Variants in GLIS3 observed in about 807,000 individuals in gnomAD.
GLIS3 encodes GLIS family zinc finger 3, also known as zinc finger protein GLIS3.
GLIS3 carries 53 observed loss-of-function variants against 78.6 expected under a neutral mutation model. That is an observed-to-expected ratio of 0.67 (90% confidence interval 0.54 to 0.85). The LOEUF is 0.85. GLIS3 is among the 40% of genes least tolerant of loss of function. The pLI is 0.00. For synonymous variants in GLIS3, 684 were observed against 509.9 expected, an observed-to-expected ratio of 1.34 and a Z score of -4.60; for missense variants, 1,703 against 1,231.1, an observed-to-expected ratio of 1.38 and a Z score of -5.74.
intron 7 of GLIS3, among the ~76,000 whole-genome samples, chr9:3,880,152 C>T (rs2130466143): frequency 6.6e-6 from 1 of 152,228 alleles, no homozygotes; most frequent in East Asian, 1.9e-4. Flanking sequence ...GTCTAACTAA[C>T]CCAGGGAATT....
intron 2 of GLIS3, among the ~76,000 whole-genome samples, chr9:4,155,651 T>C (rs1367530388): frequency 6.6e-6 from 1 of 152,152 alleles, no homozygotes; most frequent in African/African-American, 2.4e-5. Context: ...CCAGGTACAG[T>C]GTCTACTTCT....
chr9:4,075,866 C>T (rs977523352), intron 4 of GLIS3, among the ~76,000 whole-genome samples: 1 of 152,140 alleles, frequency 6.6e-6, no homozygotes, highest in Non-Finnish European at 1.5e-5. Context: ...AGTGTACATA[C>T]AGCATTATTC....
intron 4 of GLIS3, among the ~76,000 whole-genome samples, chr9:3,959,857 AAG>A (rs1817427319): frequency 6.6e-6 from 1 of 152,214 alleles, no homozygotes; most frequent in Non-Finnish European, 1.5e-5. Flanking sequence ...CCTTTATAGA[AAG>A]AGGAAATTTG....
At chr9:4,228,567 T>C (rs1199812683) in intron 2 of GLIS3, among the ~76,000 whole-genome samples, 1 of 152,210 alleles carries the variant, frequency 6.6e-6, no homozygotes, top group Non-Finnish European at 1.5e-5. Context: ...AAGCTGCAAA[T>C]ACAGCCAGGG....
chr9:4,223,117 C>G (rs929514313), intron 2 of GLIS3, among the ~76,000 whole-genome samples: 1 of 152,146 alleles, frequency 6.6e-6, no homozygotes, highest in Admixed American at 6.5e-5. Context: ...TATGAAGTGT[C>G]TATGAGATAA....
chr9:3,921,670 T>C (rs1824898542), intron 6 of GLIS3, among the ~76,000 whole-genome samples: 1 of 152,010 alleles, frequency 6.6e-6, no homozygotes, highest in Admixed American at 6.6e-5. Context: ...GATTAAAAAA[T>C]CCACACAGCA....
chr9:4,005,360 T>A (rs1238113101), intron 4 of GLIS3, among the ~76,000 whole-genome samples: 1 of 152,216 alleles, frequency 6.6e-6, no homozygotes, highest in Non-Finnish European at 1.5e-5. Context: ...TGCATATACA[T>A]AGATATGTTT....
At chr9:4,430,002 G>T in the GLIS3 span, among the ~76,000 whole-genome samples, 1 of 151,600 alleles carries the variant, frequency 6.6e-6, no homozygotes, top group Non-Finnish European at 1.5e-5. Context: ...CAGGTTATCA[G>T]AATCCGAAAT....
At chr9:4,311,698 T>C (rs1817362243) in intron 2 of GLIS3, among the ~76,000 whole-genome samples, 1 of 152,092 alleles carries the variant, frequency 6.6e-6, no homozygotes, top group South Asian at 2.1e-4. Context: ...CCTCCTCTTT[T>C]AGAGCCACCT....
At chr9:4,032,379 G>T (rs1053168539) in intron 4 of GLIS3, among the ~76,000 whole-genome samples, 2 of 152,084 alleles carry the variant, frequency 1.3e-5, no homozygotes, top group African/African-American at 4.8e-5. Flanking sequence ...TTTCACAGAA[G>T]TCTATAAAAA....
intron 2 of GLIS3, among the ~76,000 whole-genome samples, chr9:4,333,068 T>C (rs1817708482): frequency 6.6e-6 from 1 of 152,190 alleles, no homozygotes; most frequent in Non-Finnish European, 1.5e-5. Flanking sequence ...AGACAGGTAT[T>C]ATCACTCCAG....
chr9:4,046,945 C>A (rs1191127985), intron 4 of GLIS3, among the ~76,000 whole-genome samples: 1 of 152,196 alleles, frequency 6.6e-6, no homozygotes, highest in Non-Finnish European at 1.5e-5. Context: ...TAAGCCCTGG[C>A]AGATGCTCAA....
Position 4,336,629 on chromosome 9 carries a change from G to A in GLIS3, n.264+10452C>T, listed in dbSNP as rs367732152. ...CAACAAAACCAAGACTGCAAAACCA[G>A]TAAGCGACAGAACTAGGGTTTAGAC... On this transcript the variant is annotated intron_variant and non_coding_transcript_variant, in intron 2 of 4. Coordinates refer to the GLIS3 transcript ENST00000471664. 1.8e-4 allele frequency among the ~76,000 whole-genome samples: 27 copies of A among 152,324 alleles called. No homozygotes were observed. In the East Asian group the frequency reaches 1.9e-3, roughly 11 times the overall value.
At chr9:4,317,787 G>T (rs1039180169) in intron 2 of GLIS3, among the ~76,000 whole-genome samples, 1 of 152,138 alleles carries the variant, frequency 6.6e-6, no homozygotes, top group Non-Finnish European at 1.5e-5. Flanking sequence ...CATTTTGTCT[G>T]GGACCTAAAG....
At chr9:4,160,851 T>A (rs1255735317) in intron 2 of GLIS3, among the ~76,000 whole-genome samples, 3 of 152,180 alleles carry the variant, frequency 2.0e-5, no homozygotes, top group African/African-American at 7.2e-5. Context: ...AACCAGGTAG[T>A]CACCTGTCTC....
intron 2 of GLIS3, among the ~76,000 whole-genome samples, chr9:4,182,123 T>G (rs1186525351): frequency 1.3e-5 from 2 of 152,244 alleles, no homozygotes; most frequent in African/African-American, 4.8e-5. Flanking sequence ...AATAAAATGG[T>G]TCCTATAAGG....
chr9:3,885,142 G>A (rs1821987220), intron 7 of GLIS3, among the ~76,000 whole-genome samples: 1 of 152,222 alleles, frequency 6.6e-6, no homozygotes. Flanking sequence ...CAAACAGCTG[G>A]TAGGAAATGT....
chr9:4,304,357 C>G (rs1171733838), upstream of GLIS3, among the ~76,000 whole-genome samples: 1 of 152,142 alleles, frequency 6.6e-6, no homozygotes, highest in Non-Finnish European at 1.5e-5. Flanking sequence ...TACCCCTAGG[C>G]TTTTTATTAT....
chr9:3,828,318 A>G lies in GLIS3; in HGVS notation c.2747T>C (p.Val916Ala). The change falls in exon 11 of 11, where the codon GTG becomes GCG. Residue 916 changes from valine to alanine, a missense_variant. Coordinates refer to ENST00000381971, the MANE Select transcript of GLIS3 (RefSeq NM_001042413.2). ...EDATFLQIST[V>A]DRCPSQLSSV... ...GGAGAGCTGGCTAGGACAGCGGTCC[A>G]CGGTGCTGATCTGCAAGAAGGTAGC... is the stretch of plus-strand genomic sequence containing the variant. 1 of 1,613,584 alleles carries G rather than the reference A, an allele frequency of 6.2e-7. No homozygotes were observed. Among genetic ancestry groups the G allele is most frequent in the South Asian group, 1.1e-5 (1 of 91,084 alleles).
Sources: allele counts gnomAD v4.1 joint callset (sites outside exome capture counted in the v4.1 genomes callset), GRCh38; gene constraint gnomAD v4.1.1; transcripts MANE v1.5; gene names NCBI Gene and HGNC (gene_info 2026-07-23, HGNC 2026-07-21).